Variants in COL25A1 observed in about 807,000 individuals in gnomAD.
The protein encoded by COL25A1 is collagen type XXV alpha 1 chain, also known as collagen alpha-1(XXV) chain.
Under a neutral mutation model 128.4 loss-of-function variants are expected in COL25A1, and 103 were observed. That is an observed-to-expected ratio of 0.80 (90% CI 0.68 to 0.94). The LOEUF is 0.94. Ranked by LOEUF, COL25A1 falls within the 40% of genes least tolerant of loss-of-function variation. The probability of loss-of-function intolerance (pLI) is 0.00; values close to 1 mark genes in which losing one functional copy is unlikely to be tolerated. For synonymous variants in COL25A1, 279 were observed against 277.2 expected (o/e 1.01, Z -0.06); for missense variants, 745 against 840.0 (o/e 0.89, Z 1.40).
At chr4:108,938,787 G>A (rs572471388) in intron 10 of COL25A1, among the ~76,000 whole-genome samples, 64 of 152,208 alleles carry the variant, frequency 4.2e-4, no homozygotes, top group African/African-American at 1.5e-3. Flanking sequence ...AACCCGGGAG[G>A]CAGAGGTTGC....
At chr4:109,241,193 T>C (rs1779876105) in intron 3 of COL25A1, among the ~76,000 whole-genome samples, 1 of 152,052 alleles carries the variant, frequency 6.6e-6, no homozygotes, top group Non-Finnish European at 1.5e-5. Context: ...AATCTATAAA[T>C]GCAAAGGAGT....
intron 19 of COL25A1, among the ~76,000 whole-genome samples, chr4:108,879,497 G>A (rs948627217): frequency 2.0e-5 from 3 of 152,170 alleles, no homozygotes; most frequent in Non-Finnish European, 2.9e-5. Context: ...GCCCAGGCAG[G>A]AATGCAGTGG....
At chr4:109,055,741 C>T (rs1354361334) in intron 3 of COL25A1, among the ~76,000 whole-genome samples, 2 of 152,150 alleles carry the variant, frequency 1.3e-5, no homozygotes, top group Admixed American at 1.3e-4. Context: ...ATGAGGCTGA[C>T]CACTCGGAAA....
intron 5 of COL25A1, among the ~76,000 whole-genome samples, chr4:109,027,487 A>G (rs1459837673): frequency 6.6e-6 from 1 of 152,088 alleles, no homozygotes; most frequent in African/African-American, 2.4e-5. Context: ...TTTAATCAGG[A>G]TGAAATAGAA....
intron 3 of COL25A1, among the ~76,000 whole-genome samples, chr4:109,207,565 T>C (rs1777115417): frequency 6.6e-6 from 1 of 152,216 alleles, no homozygotes; most frequent in South Asian, 2.1e-4. Context: ...TTCTAGTGCA[T>C]GGTTTTCCCT....
chr4:109,117,749 G>C (rs1370526525), intron 3 of COL25A1, among the ~76,000 whole-genome samples: 1 of 151,964 alleles, frequency 6.6e-6, no homozygotes, highest in East Asian at 1.9e-4. Context: ...AATGATACAA[G>C]AGATGGAAGA....
At chr4:109,116,098 G>T (rs1384036105) in intron 3 of COL25A1, among the ~76,000 whole-genome samples, 1 of 152,012 alleles carries the variant, frequency 6.6e-6, no homozygotes, top group Non-Finnish European at 1.5e-5. Flanking sequence ...TGTAGTTGAT[G>T]AATTGCTGGA....
At chr4:108,929,350 C>G (rs1746452687) in intron 11 of COL25A1, among the ~76,000 whole-genome samples, 1 of 152,056 alleles carries the variant, frequency 6.6e-6, no homozygotes, top group African/African-American at 2.4e-5. Context: ...TCTCAAACTC[C>G]TGACCTCAGG....
intron 3 of COL25A1, among the ~76,000 whole-genome samples, chr4:109,256,085 G>GGGGTGTGTGTGTGTGTGT (rs369220694): frequency 7.0e-6 from 1 of 143,240 alleles, no homozygotes; most frequent in African/African-American, 2.6e-5. Context: ...TTTAAGCATT[G>GGGGTGTGTGTGTGTGTGT]GTGTGTGTGT....
intron 3 of COL25A1, among the ~76,000 whole-genome samples, chr4:109,137,808 T>A (rs1008111499): frequency 3.3e-5 from 5 of 152,126 alleles, no homozygotes. Flanking sequence ...TAATTCCTCA[T>A]CAGGTTAAAG....
At position 108,863,308 on chromosome 4, in the gene COL25A1, G is replaced by C; in HGVS notation, c.1152+11C>G. 6.2e-7 allele frequency: 1 copy of C among 1,611,950 alleles called. No homozygotes were observed. The highest frequency in any genetic ancestry group is 8.5e-7 in the Non-Finnish European group (1 of 1,178,282). On this transcript the variant is annotated intron_variant, in intron 21 of 37. Transcript: ENST00000399132. ...AGAGAATGGTTATTTTCCAGTTTAA[G>C]AATAACTCACCTTTGGTCCGGGGGC...
intron 3 of COL25A1, among the ~76,000 whole-genome samples, chr4:109,081,829 G>A (rs566329058): frequency 1.3e-5 from 2 of 151,822 alleles, no homozygotes; most frequent in African/African-American, 4.8e-5. Context: ...TCAGCCTTCT[G>A]AGCAGCTGGG....
intron 5 of COL25A1, among the ~76,000 whole-genome samples, chr4:109,019,373 C>CATATATATATAT (rs1271683280): frequency 0.11 from 3,390 of 30,580 alleles, 85 homozygotes; most frequent in Middle Eastern, 0.16. Flanking sequence ...CACACACACA[C>CATATATATATAT]ACATATATAT....
intron 3 of COL25A1, among the ~76,000 whole-genome samples, chr4:109,101,398 T>A (rs1423947219): frequency 6.6e-6 from 1 of 152,140 alleles, no homozygotes; most frequent in Non-Finnish European, 1.5e-5. Context: ...TACAGTAAAA[T>A]GCCCCTGGTG....
intron 3 of COL25A1, among the ~76,000 whole-genome samples, chr4:109,160,411 A>G (rs1263595852): frequency 2.0e-5 from 3 of 152,216 alleles, no homozygotes; most frequent in Admixed American, 6.5e-5. Context: ...TATTAACAGA[A>G]AGTAAAATTG....
At chr4:109,284,621 C>T (rs967734260) in intron 3 of COL25A1, among the ~76,000 whole-genome samples, 2 of 152,054 alleles carry the variant, frequency 1.3e-5, no homozygotes, top group East Asian at 1.9e-4. Flanking sequence ...AACTTTCTCA[C>T]GCTTAGGCAT....
chr4:108,882,666 T>C (rs1176679343), intron 19 of COL25A1, among the ~76,000 whole-genome samples: 1 of 152,192 alleles, frequency 6.6e-6, no homozygotes, highest in East Asian at 1.9e-4. Flanking sequence ...TTATTTTTGC[T>C]AAATATCAAA....
rs117792721 is a variant in COL25A1 at position 108,937,356 on chromosome 4, G to C, written c.708+452C>G. On this transcript the variant is annotated intron_variant, in intron 11 of 37. Coordinates refer to ENST00000399132, the MANE Select transcript of COL25A1 (RefSeq NM_198721.4). ...GACCATTTTTTTTTTTTAAATGACA[G>C]AGAACCAAAAGGCACAACGATTTTT... Among the ~76,000 whole-genome samples the C allele has an allele frequency of 4.7e-3, 714 of 151,848 alleles. 14 individuals are homozygous for C. The East Asian group carries it at 0.063, about 13-fold the overall frequency.
intron 3 of COL25A1, among the ~76,000 whole-genome samples, chr4:109,268,794 T>C (rs557624697): frequency 2.5e-4 from 38 of 152,260 alleles, no homozygotes; most frequent in African/African-American, 8.9e-4. Flanking sequence ...AAGAACAAGC[T>C]GCCTAGCTAG....
Sources: gnomAD v4.1 joint callset for allele counts (sites outside exome capture counted in the v4.1 genomes callset) on GRCh38, gnomAD v4.1.1 for gene constraint, MANE v1.5 for transcripts, NCBI Gene and HGNC (gene_info 2026-07-23, HGNC 2026-07-21) for gene names.